Variants in PCARE observed in about 807,000 individuals in gnomAD.
PCARE encodes photoreceptor cilium actin regulator, also known as uncharacterized protein C2orf71.
In PCARE, 72 loss-of-function variants were observed where a neutral mutation model predicts 82.2. The ratio of observed to expected loss-of-function variants is 0.88; its 90% CI spans 0.72 to 1.07. The LOEUF (loss-of-function observed/expected upper bound fraction) is 1.07. Ranked by LOEUF, PCARE falls within the 50% of genes least tolerant of loss-of-function variation. The pLI is 0.00. For missense variants in PCARE, 1,768 were observed against 1,592.4 expected (o/e 1.11, Z -1.88); for synonymous variants, 705 against 634.8 (o/e 1.11, Z -1.66).
In PCARE at chr2:29,072,435, A is replaced by G; in HGVS notation, c.1827T>C (p.Phe609=). 6.2e-7 allele frequency: 1 copy of G among 1,614,064 alleles called. No individual in the cohort carries two copies. The highest frequency in any genetic ancestry group is 8.5e-7 in the Non-Finnish European group (1 of 1,180,006). ...CLQSHVEDPT[F]QELRRVQRDL... ...CCCTCTGGACCCTTCGCAGCTCCTG[A>G]AAGGTGGGGTCCTCCACGTGACTCT... The change falls in exon 1 of 2, where the codon TTT becomes TTC. Residue 609 remains phenylalanine (F), a synonymous_variant. Coordinates refer to ENST00000331664, the MANE Select transcript of PCARE (RefSeq NM_001029883.3).
intron 1 of PCARE, among the ~76,000 whole-genome samples, chr2:29,069,362 G>A (rs903977028): frequency 6.6e-6 from 1 of 152,214 alleles, no homozygotes; most frequent in Non-Finnish European, 1.5e-5. Context: ...GTGCTATGCA[G>A]CCATAATAAA....
chr2:29,070,139 T>G (rs560356284), intron 1 of PCARE, among the ~76,000 whole-genome samples: 5 of 152,314 alleles, frequency 3.3e-5, no homozygotes, highest in African/African-American at 1.2e-4. Flanking sequence ...CTGGGATACA[T>G]GTGCAGAACG....
At position 29,072,558 on chromosome 2, in the gene PCARE, C is replaced by A. The variant is rs762062483; in HGVS notation, c.1704G>T (p.Glu568Asp). Residue 568 changes from glutamate to aspartate, a missense_variant, in exon 1 of 2, where the codon GAG (glutamate) becomes GAT (aspartate). Transcript: ENST00000331664. ...TTGGGGGGACCACTGTCCTCCCCTC[C>A]TCCTCCTCAGACCAGTCCTGGTGCC... is the stretch of plus-strand genomic sequence containing the variant. The part of the protein sequence containing the change: ...PCGHQDWSEE[E>D]EGRTVVPPRP... 1 of 1,614,202 alleles carries A rather than the reference C, an allele frequency of 6.2e-7. No individual in the cohort carries two copies. The highest frequency in any genetic ancestry group is 1.1e-5 in the South Asian group (1 of 91,084).
Position 29,072,506 on chromosome 2 carries a change from T to G in PCARE, c.1756A>C (p.Arg586=). The G allele has an allele frequency of 6.2e-7, 1 of 1,614,176 alleles. No individual in the cohort carries two copies. Among genetic ancestry groups the G allele is most frequent in the Non-Finnish European group, 8.5e-7 (1 of 1,180,024 alleles). Residue 586 remains arginine, a synonymous_variant, in exon 1 of 2, where the codon AGG becomes CGG. Coordinates refer to ENST00000331664, the MANE Select transcript of PCARE (RefSeq NM_001029883.3). Reference sequence around the variant, plus strand: ...GACCTCGTCTGCCTCTCAGGGGCCCTCCTGCTGCCACTTACCGTGCTAGGT... The same window carrying G: ...GACCTCGTCTGCCTCTCAGGGGCCCGCCTGCTGCCACTTACCGTGCTAGGT... ...PRPSTVSGSR[R]APERQTRSQS...
rs1188766761 is a variant in PCARE at position 29,073,760 on chromosome 2, G to T, written c.502C>A (p.His168Asn). The T allele has an allele frequency of 6.2e-7, 1 of 1,614,232 alleles. No individual in the cohort carries two copies. The highest frequency in any genetic ancestry group is 1.1e-5 in the South Asian group (1 of 91,082). Residue 168 changes from histidine to asparagine, a missense_variant, in exon 1 of 2, where the codon CAT becomes AAT. Physicochemically the swap from His to Asn is moderately conservative, Grantham distance 68. Coordinates refer to ENST00000331664, the MANE Select transcript of PCARE (RefSeq NM_001029883.3). ...AAGTCCACTTTGCCTTCAGGCTCAT[G>T]AGCAGGGTGGATGGTTTGGTAGCAG... ...SHCYQTIHPA[H>N]EPEGKVDFPE...
chr2:29,071,841 A>AG lies in PCARE; in HGVS notation c.2420dup (p.Leu808SerfsTer3). The AG allele has an allele frequency of 1.9e-6, 3 of 1,614,136 alleles. No individual in the cohort carries two copies. The highest frequency in any genetic ancestry group is 2.5e-6 in the Non-Finnish European group (3 of 1,180,010). ...TCTTGGCTGCTTCTGCTTTAGGCAGAGGGGGAAAGATAGGTGCTAAGGGCT... is the reference window on the plus strand; with the variant it reads ...TCTTGGCTGCTTCTGCTTTAGGCAGAGGGGGGAAAGATAGGTGCTAAGGGCT... On this transcript the variant is annotated frameshift_variant, in exon 1 of 2. Transcript: ENST00000331664. LOFTEE classifies it high-confidence loss of function.
intron 1 of PCARE, among the ~76,000 whole-genome samples, chr2:29,068,853 A>T (rs1278005979): frequency 1.3e-5 from 2 of 152,150 alleles, no homozygotes; most frequent in Non-Finnish European, 2.9e-5. Flanking sequence ...GTTAGAGGAG[A>T]AGTGGAGCTA....
chr2:29,069,816 A>G (rs1667442359), intron 1 of PCARE, among the ~76,000 whole-genome samples: 1 of 152,222 alleles, frequency 6.6e-6, no homozygotes, highest in African/African-American at 2.4e-5. Flanking sequence ...AATACAGTAA[A>G]CATTGATAGA....
Position 29,073,541 on chromosome 2 carries a change from C to A in PCARE, c.721G>T (p.Glu241Ter). The A allele has an allele frequency of 1.2e-6, 2 of 1,614,224 alleles. No homozygotes were observed. The highest frequency in any genetic ancestry group is 1.7e-6 in the Non-Finnish European group (2 of 1,180,044). The change falls in exon 1 of 2, where the codon GAA becomes TAA. Residue 241 changes from glutamate (E) to a stop codon, truncating the protein, a stop_gained. Coordinates refer to ENST00000331664, the MANE Select transcript of PCARE (RefSeq NM_001029883.3). LOFTEE classifies it high-confidence loss of function. Reference sequence around the variant, plus strand: ...TCCCTGACTTCCTGCAGGAGCACTTCTCCATCCTTGGAGATCTCCCCCAAC... The same window carrying A: ...TCCCTGACTTCCTGCAGGAGCACTTATCCATCCTTGGAGATCTCCCCCAAC... ...QLLGEISKDGEVLLQEVREDL... is the reference protein window; with the variant it reads ...QLLGEISKDG
rs774102694 is a variant in PCARE, at chr2:29,070,567, G to A, written c.3668+27C>T. 3.1e-6 allele frequency: 5 copies of A among 1,613,464 alleles called. No individual in the cohort carries two copies. The East Asian group carries it at 8.9e-5, about 29-fold the overall frequency. ...TTCCTCTCTAGTCCAAGCCGCTGAA[G>A]GGCAGTGACCCCAGGACACTCCTTA... is the stretch of plus-strand genomic sequence containing the variant. On this transcript the variant is annotated intron_variant, in intron 1 of 1. Coordinates refer to ENST00000331664, the MANE Select transcript of PCARE (RefSeq NM_001029883.3).
In PCARE at chr2:29,074,056, G is replaced by A. The variant is rs1667545578; in HGVS notation, c.206C>T (p.Thr69Ile). 1.2e-6 allele frequency: 2 copies of A among 1,614,202 alleles called. No individual in the cohort carries two copies. The highest frequency in any genetic ancestry group is 1.3e-5 in the African/African-American group (1 of 75,050). The change falls in exon 1 of 2, where the codon ACC (threonine) becomes ATC (isoleucine). Residue 69 changes from threonine to isoleucine, a missense_variant. Coordinates refer to ENST00000331664, the MANE Select transcript of PCARE (RefSeq NM_001029883.3). ...EEQPSPRRNQ[T>I]TAKGLCQLMG... ...GAGCTGACAAAGACCTTTAGCTGTGGTTTGGTTCCTCCTGGGACTTGGCTG... is the reference window on the plus strand; with the variant it reads ...GAGCTGACAAAGACCTTTAGCTGTGATTTGGTTCCTCCTGGGACTTGGCTG...
At chr2:29,066,117 C>T (rs533693018) in intron 1 of PCARE, among the ~76,000 whole-genome samples, 236 of 152,262 alleles carry the variant, frequency 1.5e-3, no homozygotes, top group Non-Finnish European at 2.6e-3. Context: ...CATAGCACTC[C>T]AGTCTGGGCA....
rs1260586941 is a variant in PCARE, at chr2:29,071,563, A to G, written c.2699T>C (p.Leu900Pro). 1 of 1,610,554 alleles carries G rather than the reference A, an allele frequency of 6.2e-7. No individual in the cohort carries two copies. Among genetic ancestry groups the G allele is most frequent in the Non-Finnish European group, 8.5e-7 (1 of 1,179,992 alleles). ...TGGCCCTGTGCTGTGAGGCTTGGTC[A>G]GGCTGGCGGTGCTCTTGCTGGGCAG... ...DLLPSKSTAS[L>P]TKPHSTGPGS... The change falls in exon 1 of 2, where the codon CTG becomes CCG. Residue 900 changes from leucine to proline, a missense_variant. Coordinates refer to ENST00000331664, the MANE Select transcript of PCARE (RefSeq NM_001029883.3).
Position 29,072,902 on chromosome 2 carries a change from T to C in PCARE, c.1360A>G (p.Thr454Ala). 1 of 1,613,608 alleles carries C rather than the reference T, an allele frequency of 6.2e-7. No individual in the cohort carries two copies. The highest frequency in any genetic ancestry group is 8.5e-7 in the Non-Finnish European group (1 of 1,179,888). The part of the protein sequence containing the change: ...TSPPLKLGTS[T>A]PCDSFGIGVS... ...CCAATCCCAAAGGAATCACATGGGG[T>C]GCTTGTCCCCAGCTTCAAAGGTGGG... The change falls in exon 1 of 2, where the codon ACC (threonine) becomes GCC (alanine). Residue 454 changes from threonine to alanine, a missense_variant. Coordinates refer to ENST00000331664, the MANE Select transcript of PCARE (RefSeq NM_001029883.3).
rs778368697 is a variant in PCARE at position 29,073,215 on chromosome 2, G to A, written c.1047C>T (p.Asp349=). The A allele has an allele frequency of 5.6e-6, 9 of 1,614,140 alleles. No individual in the cohort carries two copies. Among genetic ancestry groups the A allele is most frequent in the Admixed American group, 1.7e-5 (1 of 60,030 alleles). Residue 349 remains aspartate, a synonymous_variant, in exon 1 of 2, where the codon GAC becomes GAT. Coordinates refer to ENST00000331664, the MANE Select transcript of PCARE (RefSeq NM_001029883.3). ...GVQGLPLCSE[D]SGIGADNESV... ...ACTCATTGTCAGCACCAATGCCACT[G>A]TCCTCAGAGCATAAGGGGAGACCCT...
chr2:29,067,007 TC>T (rs1396851159), intron 1 of PCARE, among the ~76,000 whole-genome samples: 2 of 152,202 alleles, frequency 1.3e-5, no homozygotes, highest in African/African-American at 2.4e-5. Context: ...CAAGGGCTGT[TC>T]CCAATCCCCA....
At position 29,073,721 on chromosome 2, in the gene PCARE, C is replaced by G; in HGVS notation, c.541G>C (p.Val181Leu). ...GTGTAAGCCTGCTGGTGGGCCTTTA[C>G]CAGAGGCTCCGGGAAGTCCACTTTG... ...EGKVDFPEPL[V>L]KAHQQAYTYL... The change falls in exon 1 of 2, where the codon GTA becomes CTA. Residue 181 changes from valine (V) to leucine (L), a missense_variant. By Grantham distance (32) the Val-to-Leu change is conservative (BLOSUM62 1). Transcript: ENST00000331664. 6.2e-7 allele frequency: 1 copy of G among 1,614,190 alleles called. No homozygotes were observed. Among genetic ancestry groups the G allele is most frequent in the Non-Finnish European group, 8.5e-7 (1 of 1,180,026 alleles).
At chr2:29,069,061 C>A (rs897426413) in intron 1 of PCARE, among the ~76,000 whole-genome samples, 3 of 152,140 alleles carry the variant, frequency 2.0e-5, no homozygotes, top group African/African-American at 4.8e-5. Flanking sequence ...GGGTGGAGAG[C>A]CCCGCGTCTA....
At chr2:29,065,323 A>G (rs1189537156) in intron 1 of PCARE, among the ~76,000 whole-genome samples, 4 of 152,176 alleles carry the variant, frequency 2.6e-5, no homozygotes. Context: ...GAAGCCCTGG[A>G]TCCTGCTGCT....
Sources: gnomAD v4.1 joint callset for allele counts (sites outside exome capture counted in the v4.1 genomes callset) on GRCh38, gnomAD v4.1.1 for gene constraint, MANE v1.5 for transcripts, NCBI Gene and HGNC (gene_info 2026-07-23, HGNC 2026-07-21) for gene names.